CTNNA3: variants seen among roughly 807,000 people sequenced by gnomAD.
CTNNA3 encodes the protein catenin alpha 3.
Under a neutral mutation model 95.7 loss-of-function variants are expected in CTNNA3, and 76 were observed. The ratio of observed to expected loss-of-function variants is 0.79; its 90% CI spans 0.66 to 0.96. CTNNA3 has a LOEUF of 0.96. CTNNA3 is among the 40% of genes least tolerant of loss of function. The pLI is 0.00. For synonymous variants in CTNNA3, 431 were observed against 374.4 expected, an observed-to-expected ratio of 1.15 and a Z score of -1.74; for missense variants, 1,191 against 1,089.8, an observed-to-expected ratio of 1.09 and a Z score of -1.31.
intron 5 of CTNNA3, among the ~76,000 whole-genome samples, chr10:67,326,569 T>G (rs1841545745): frequency 6.6e-6 from 1 of 152,228 alleles, no homozygotes; most frequent in South Asian, 2.1e-4. Flanking sequence ...TCCTCTGGCT[T>G]GTATGGTTTC....
chr10:67,340,262 T>C (rs1420539111), intron 5 of CTNNA3, among the ~76,000 whole-genome samples: 1 of 152,138 alleles, frequency 6.6e-6, no homozygotes, highest in African/African-American at 2.4e-5. Flanking sequence ...TTAAATAATA[T>C]TACCAGAATA....
At chr10:66,308,610 T>C (rs1212949590) in intron 12 of CTNNA3, among the ~76,000 whole-genome samples, 1 of 152,186 alleles carries the variant, frequency 6.6e-6, no homozygotes, top group East Asian at 1.9e-4. Flanking sequence ...TATTTTGGCT[T>C]CCAGTAGTAC....
chr10:66,317,517 C>G (rs952314572), intron 12 of CTNNA3, among the ~76,000 whole-genome samples: 1 of 151,674 alleles, frequency 6.6e-6, no homozygotes, highest in Non-Finnish European at 1.5e-5. Context: ...ACTAAAAATA[C>G]AAAAGATTAG....
chr10:67,166,481 G>A (rs1861774864), intron 7 of CTNNA3, among the ~76,000 whole-genome samples: 1 of 151,928 alleles, frequency 6.6e-6, no homozygotes, highest in Admixed American at 6.6e-5. Flanking sequence ...TTTAACCCGA[G>A]ACTTAAAGAA....
At chr10:67,523,430 A>G (rs923148487) in intron 4 of CTNNA3, among the ~76,000 whole-genome samples, 1 of 152,176 alleles carries the variant, frequency 6.6e-6, no homozygotes, top group South Asian at 2.1e-4. Context: ...TTCTCATTCT[A>G]TAATTGAGTA....
intron 5 of CTNNA3, among the ~76,000 whole-genome samples, chr10:67,299,225 G>A (rs912028869): frequency 6.6e-5 from 10 of 152,008 alleles, no homozygotes; most frequent in South Asian, 2.1e-4. Flanking sequence ...TACTACCTCA[G>A]CTAGGTGAAA....
At position 66,280,489 on chromosome 10, in the gene CTNNA3, C is replaced by T. The variant is rs367616357; in HGVS notation, c.1865G>A (p.Cys622Tyr). ...ACTTACCCGAATCATCATGACTGAACATCTGATATCATGAATTGTATCATA... is the reference window on the plus strand; with the variant it reads ...ACTTACCCGAATCATCATGACTGAATATCTGATATCATGAATTGTATCATA... Reference protein sequence around the residue: ...KIYDTIHDIRCSVMMIRTPEE... With the variant: ...KIYDTIHDIRYSVMMIRTPEE... Residue 622 changes from cysteine (C) to tyrosine (Y), a missense_variant, in exon 13 of 18, where the codon TGT becomes TAT. By Grantham distance (194) the Cys-to-Tyr change is radical. Transcript: ENST00000433211. The T allele has an allele frequency of 1.8e-5, 29 of 1,604,858 alleles. No homozygotes were observed. Among genetic ancestry groups the T allele is most frequent in the Non-Finnish European group, 2.5e-5 (29 of 1,176,584 alleles).
At position 66,655,449 on chromosome 10, in the gene CTNNA3, G is replaced by C. The variant is rs1160956353; in HGVS notation, c.1282-33665C>G. ...AAAGATGGTGATGCTAAACAAATGA[G>C]AAATTATAATTATTAAAATACAACA... On this transcript the variant is annotated intron_variant, in intron 9 of 17. Transcript: ENST00000433211. Among the ~76,000 whole-genome samples, 4 of 151,944 alleles carry C rather than the reference G, an allele frequency of 2.6e-5. No individual in the cohort carries two copies. The East Asian group carries it at 7.7e-4, about 29-fold the overall frequency.
rs76385158 is a variant in CTNNA3, at chr10:67,107,440, G to A, written c.1047+72877C>T. Among the ~76,000 whole-genome samples the A allele has an allele frequency of 1.1e-4, 16 of 152,266 alleles. No homozygotes were observed. In the East Asian group the frequency reaches 3.1e-3, roughly 29 times the overall value. On this transcript the variant is annotated intron_variant, in intron 7 of 17. Coordinates refer to ENST00000433211, the MANE Select transcript of CTNNA3 (RefSeq NM_013266.4). Reference sequence around the variant, plus strand: ...ATTTTGAAGACTGATCCAGGCAATGGCATTAATTTCAAATAATTATGTGAA... The same window carrying A: ...ATTTTGAAGACTGATCCAGGCAATGACATTAATTTCAAATAATTATGTGAA...
intron 7 of CTNNA3, among the ~76,000 whole-genome samples, chr10:66,947,902 G>C (rs1306503619): frequency 6.6e-6 from 1 of 152,162 alleles, no homozygotes; most frequent in East Asian, 1.9e-4. Context: ...GAACATCACA[G>C]AGTGTACTTA....
chr10:65,980,131 G>T (rs1022743282), intron 16 of CTNNA3, among the ~76,000 whole-genome samples: 3 of 151,842 alleles, frequency 2.0e-5, no homozygotes, highest in African/African-American at 7.2e-5. Flanking sequence ...AAATTAGAAC[G>T]AAATGGGAGA....
intron 7 of CTNNA3, chr10:67,054,506 C>G (rs1041958742): frequency 5.3e-5 from 8 of 152,118 alleles, no homozygotes; most frequent in Admixed American, 3.3e-4. Context: ...AATATGGGTT[C>G]AACAATGGCG....
At chr10:66,036,591 G>C (rs754905791) in intron 15 of CTNNA3, among the ~76,000 whole-genome samples, 1 of 151,966 alleles carries the variant, frequency 6.6e-6, no homozygotes, top group Non-Finnish European at 1.5e-5. Flanking sequence ...GGCCAGGCTG[G>C]ACTCAAACTC....
At chr10:66,438,491 T>C (rs1346623753) in intron 11 of CTNNA3, among the ~76,000 whole-genome samples, 1 of 152,142 alleles carries the variant, frequency 6.6e-6, no homozygotes, top group Admixed American at 6.5e-5. Flanking sequence ...TGGCTTTGTT[T>C]ACACTGTGAG....
intron 5 of CTNNA3, among the ~76,000 whole-genome samples, chr10:67,240,986 G>A (rs369037241): frequency 2.0e-4 from 30 of 152,224 alleles, no homozygotes; most frequent in African/African-American, 3.1e-4. Flanking sequence ...GCCATCTGCC[G>A]CATGATTAAA....
intron 13 of CTNNA3, among the ~76,000 whole-genome samples, chr10:66,259,497 G>A (rs570759485): frequency 3.0e-4 from 46 of 152,220 alleles, no homozygotes; most frequent in Middle Eastern, 6.8e-3. Flanking sequence ...AGGCCATCCA[G>A]AGGCAAAACT....
At chr10:67,278,987 T>C (rs1839291344) in intron 5 of CTNNA3, among the ~76,000 whole-genome samples, 1 of 152,144 alleles carries the variant, frequency 6.6e-6, no homozygotes, top group Non-Finnish European at 1.5e-5. Context: ...AAAATAACAT[T>C]CAGCACAATC....
At chr10:66,734,172 T>C (rs1589188062) in intron 9 of CTNNA3, among the ~76,000 whole-genome samples, 1 of 151,972 alleles carries the variant, frequency 6.6e-6, no homozygotes, top group East Asian at 1.9e-4. Flanking sequence ...ATTGACTTTT[T>C]AAAGAAACTT....
At chr10:66,698,527 G>A (rs950313949) in intron 9 of CTNNA3, among the ~76,000 whole-genome samples, 1 of 152,142 alleles carries the variant, frequency 6.6e-6, no homozygotes, top group Non-Finnish European at 1.5e-5. Context: ...TTGTGGAGTG[G>A]GCAGACTCCT....
Sources: allele counts gnomAD v4.1 joint callset (sites outside exome capture counted in the v4.1 genomes callset), GRCh38; gene constraint gnomAD v4.1.1; transcripts MANE v1.5; gene names NCBI Gene and HGNC (gene_info 2026-07-23, HGNC 2026-07-21).